CCNJL: variants seen among roughly 807,000 people sequenced by gnomAD.
CCNJL encodes the protein cyclin J like.
In CCNJL, 33 loss-of-function variants were observed where a neutral mutation model predicts 33.4. The observed-to-expected ratio is 0.99, with a 90% CI of 0.75 to 1.32. CCNJL has a LOEUF of 1.32. Among genes scored for constraint, CCNJL ranks in the 40% most tolerant of loss-of-function variants. CCNJL has a pLI of 0.00. For synonymous variants in CCNJL, 227 were observed against 220.9 expected (o/e 1.03, Z -0.24); for missense variants, 512 against 499.7 (o/e 1.02, Z -0.23).
chr5:160,291,036 T>TAAAAAAAAAAAAAAAAAAAA (rs1177369719), intron 2 of CCNJL, among the ~76,000 whole-genome samples: 1 of 57,540 alleles, frequency 1.7e-5, no homozygotes, highest in Non-Finnish European at 3.0e-5. Flanking sequence ...CGTCTTTACT[T>TAAAAAAAAAAAAAAAAAAAA]AAAAAAAAAA....
chr5:160,291,379 T>G (rs1179965985), intron 2 of CCNJL, among the ~76,000 whole-genome samples: 1 of 152,210 alleles, frequency 6.6e-6, no homozygotes, highest in Non-Finnish European at 1.5e-5. Flanking sequence ...CATCGCATAC[T>G]ACATTGCTCC....
chr5:160,295,978 T>C (rs1762740118), intron 2 of CCNJL, among the ~76,000 whole-genome samples: 2 of 152,228 alleles, frequency 1.3e-5, no homozygotes, highest in Admixed American at 1.3e-4. Context: ...GTTCTCCGCT[T>C]GAGCCTGATG....
chr5:160,291,036 T>TAAAAAA lies in CCNJL; in HGVS notation c.67-10304_67-10299dup, dbSNP rs1177369719. 2.7e-3 allele frequency among the ~76,000 whole-genome samples: 157 copies of TAAAAAA among 57,492 alleles called. 1 individual carries two copies. Among genetic ancestry groups the TAAAAAA allele is most frequent in the African/African-American group, 4.2e-3 (49 of 11,736 alleles). 37.7% of individuals were successfully genotyped at this position (57,492 alleles called of 152,430 possible). A position where few individuals can be genotyped will look rare whatever the true frequency, so the allele number is the denominator to read the frequency against. ...AACATAGAAACACCCCGTCTTTACT[T>TAAAAAA]AAAAAAAAAAAAAAAAAAAAAAAAA... On this transcript the variant is annotated intron_variant, in intron 2 of 5. Coordinates refer to ENST00000257536, the MANE Select transcript of CCNJL (RefSeq NM_001308173.3).
chr5:160,275,087 T>G (rs549901307), intron 3 of CCNJL, among the ~76,000 whole-genome samples: 1,568 of 147,592 alleles, frequency 0.011, 17 homozygotes, highest in Non-Finnish European at 0.018. Flanking sequence ...ATTTGTGTGT[T>G]TTTTTTTTTT....
chr5:160,283,012 T>TATATATATAC (rs1762289230), intron 2 of CCNJL, among the ~76,000 whole-genome samples: 2 of 82,192 alleles, frequency 2.4e-5, no homozygotes, highest in Non-Finnish European at 2.3e-5. Context: ...TATATATACA[T>TATATATATAC]ATATATATAT....
At chr5:160,333,888 A>G (rs1702663905) in intron 1 of CCNJL, among the ~76,000 whole-genome samples, 1 of 152,074 alleles carries the variant, frequency 6.6e-6, no homozygotes, top group Non-Finnish European at 1.5e-5. Flanking sequence ...TGCTGTTGCA[A>G]TTCCAACATT....
Position 160,280,519 on chromosome 5 carries a change from G to T in CCNJL, c.280+6C>A. 6.2e-7 allele frequency: 1 copy of T among 1,610,132 alleles called. No individual in the cohort carries two copies. Among genetic ancestry groups the T allele is most frequent in the South Asian group, 1.1e-5 (1 of 91,008 alleles). On this transcript the variant is annotated splice_donor_region_variant and intron_variant, in intron 3 of 5. Coordinates refer to ENST00000257536, the MANE Select transcript of CCNJL (RefSeq NM_001308173.3). ...AGCGCGGAGGAAGACGTAGGTTTTC[G>T]CTTACTTGCAAGCAGGAGGCAGGAG...
rs1345473693 is a variant in CCNJL at position 160,249,564 on chromosome 5, ACCAG to A, written c.*3810_*3813del. ...GATTGCTTGAGCTCAGGAGTCTGAGACCAGCCTGGACAACATGGTGAAACCTCAT... is the reference window on the plus strand; with the variant it reads ...GATTGCTTGAGCTCAGGAGTCTGAGACCTGGACAACATGGTGAAACCTCAT... On this transcript the variant is annotated 3_prime_UTR_variant, in exon 6 of 6. Transcript: ENST00000257536. The A allele has an allele frequency of 6.6e-6, 1 of 152,082 alleles. No homozygotes were observed. The highest frequency in any genetic ancestry group is 1.9e-4 in the East Asian group (1 of 5,180). The allele number at this position is 152,082 out of a possible 1,614,324, so 9.4% of individuals were successfully genotyped here.
chr5:160,254,405 G>C (rs1580939052), intron 5 of CCNJL: 1 of 617,790 alleles, frequency 1.6e-6, no homozygotes, highest in Non-Finnish European at 2.9e-6. Context: ...AAAACAATTA[G>C]AGGCTTATGT....
In CCNJL at chr5:160,258,623, G is replaced by A. The variant is rs910852566; in HGVS notation, c.583+846C>T. 3.9e-5 allele frequency: 45 copies of A among 1,155,338 alleles called. No homozygotes were observed. The East Asian group carries it at 6.3e-4, about 16-fold the overall frequency. The allele number at this position is 1,155,338 out of a possible 1,614,324, so 71.6% of individuals were successfully genotyped here. A position where few individuals can be genotyped will look rare whatever the true frequency, so the allele number is the denominator to read the frequency against. On this transcript the variant is annotated intron_variant, in intron 4 of 5. Coordinates refer to ENST00000257536, the MANE Select transcript of CCNJL (RefSeq NM_001308173.3). Reference sequence around the variant, plus strand: ...TGAAGTCTGTGGATGCAGCTGTTACGAAGATGGTTAAACCTGAAACAATCT... The same window carrying A: ...TGAAGTCTGTGGATGCAGCTGTTACAAAGATGGTTAAACCTGAAACAATCT...
chr5:160,315,318 AACACACACACACACACACAC>A (rs57432164), upstream of CCNJL: 1,844 of 104,016 alleles, frequency 0.018, 22 homozygotes, highest in Non-Finnish European at 0.026. Context: ...CCCGCCCCCC[AACACACACACACACACACAC>A]ACACACACAC....
At chr5:160,273,060 G>A (rs922218098) in intron 3 of CCNJL, among the ~76,000 whole-genome samples, 3 of 152,198 alleles carry the variant, frequency 2.0e-5, no homozygotes, top group African/African-American at 7.2e-5. Flanking sequence ...ATACTATGAA[G>A]AAAGCACCTT....
At chr5:160,309,766 C>T (rs1347277342) in intron 2 of CCNJL, among the ~76,000 whole-genome samples, 2 of 152,154 alleles carry the variant, frequency 1.3e-5, no homozygotes, top group Non-Finnish European at 2.9e-5. Flanking sequence ...GGAGGTGGGA[C>T]ATTATAACCA....
chr5:160,296,725 C>T (rs1157799739), intron 2 of CCNJL, among the ~76,000 whole-genome samples: 6 of 152,120 alleles, frequency 3.9e-5, no homozygotes, highest in Non-Finnish European at 8.8e-5. Flanking sequence ...CCTTGCAGGC[C>T]GCTAATGCTT....
chr5:160,286,792 G>C (rs1044751283), intron 2 of CCNJL, among the ~76,000 whole-genome samples: 1 of 152,164 alleles, frequency 6.6e-6, no homozygotes, highest in Non-Finnish European at 1.5e-5. Flanking sequence ...TCCCTGGGAT[G>C]CTCTTTCTCC....
intron 4 of CCNJL, among the ~76,000 whole-genome samples, chr5:160,257,369 G>GGA (rs924404310): frequency 2.6e-5 from 4 of 152,094 alleles, no homozygotes; most frequent in African/African-American, 9.7e-5. Context: ...CAGCTACTCG[G>GGA]GAGGCTGAGG....
intron 2 of CCNJL, among the ~76,000 whole-genome samples, chr5:160,288,309 T>C (rs1293014917): frequency 6.6e-6 from 1 of 152,162 alleles, no homozygotes. Context: ...TCAGTTACTA[T>C]GTTTTCAGTT....
chr5:160,301,699 T>C (rs1368626960), intron 2 of CCNJL, among the ~76,000 whole-genome samples: 1 of 150,766 alleles, frequency 6.6e-6, no homozygotes, highest in Non-Finnish European at 1.5e-5. Flanking sequence ...CCTCCCAAAG[T>C]GCTGGGATTA....
At chr5:160,258,326 C>T in intron 4 of CCNJL, 1 of 761,578 alleles carries the variant, frequency 1.3e-6, no homozygotes, top group Non-Finnish European at 2.4e-6. Context: ...TACAACGCCA[C>T]AGGATTCAAT....
Sources: gnomAD v4.1 joint callset for allele counts (sites outside exome capture counted in the v4.1 genomes callset) on GRCh38, gnomAD v4.1.1 for gene constraint, MANE v1.5 for transcripts, NCBI Gene and HGNC (gene_info 2026-07-23, HGNC 2026-07-21) for gene names.